RMC1: variants seen among roughly 807,000 people sequenced by gnomAD.
RMC1 encodes regulator of MON1-CCZ1.
In RMC1, 44 loss-of-function variants were observed where a neutral mutation model predicts 95.5. The ratio of observed to expected loss-of-function variants is 0.46; its 90% CI spans 0.36 to 0.59. RMC1 has a LOEUF of 0.59. RMC1 is among the 20% of genes least tolerant of loss of function. The pLI is 0.00. For synonymous variants in RMC1, 320 were observed against 303.6 expected (o/e 1.05, Z -0.56); for missense variants, 705 against 819.6 (o/e 0.86, Z 1.71).
In RMC1 at chr18:23,529,656, A is replaced by G. The variant is rs748736739; in HGVS notation, c.1438A>G (p.Ile480Val). 2 of 1,614,172 alleles carry G rather than the reference A, an allele frequency of 1.2e-6. No individual in the cohort carries two copies. The change falls in exon 16 of 20, where the codon ATA becomes GTA. Residue 480 changes from isoleucine to valine, a missense_variant. Ile to Val is a conservative substitution (Grantham distance 29, BLOSUM62 3). Transcript: ENST00000269221. ...EKKEMPHKFV[I>V]AVLMEYIRSL... Reference sequence around the variant, plus strand: ...CTAGGAGATGCCTCATAAATTTGTGATAGCCGTGCTGATGGAATACATTCG... The same window carrying G: ...CTAGGAGATGCCTCATAAATTTGTGGTAGCCGTGCTGATGGAATACATTCG...
chr18:23,504,584 G>T, intron 2 of RMC1, 137 bp downstream of exon 2: 2 of 702,206 alleles, frequency 2.8e-6, no homozygotes, highest in Non-Finnish European at 4.9e-6. Flanking sequence ...TGGAATTCCT[G>T]TCTGTAGGGA....
chr18:23,506,724 AT>A (rs904620797), intron 2 of RMC1: 9 of 379,100 alleles, frequency 2.4e-5, no homozygotes, highest in Non-Finnish European at 3.4e-5. Flanking sequence ...CTCAGGTGAT[AT>A]GTGTGTGTGA....
At chr18:23,507,880 T>A in intron 3 of RMC1, 105 bp from the exon 4 acceptor site, 1 of 976,782 alleles carries the variant, frequency 1.0e-6, no homozygotes, top group Non-Finnish European at 1.4e-6. Context: ...TTCTGGTCAC[T>A]TTTTAAGTTA....
Position 23,530,468 on chromosome 18 carries a change from G to A in RMC1, c.1750G>A (p.Gly584Ser), listed in dbSNP as rs754165861. Residue 584 changes from glycine to serine, a missense_variant, in exon 19 of 20, where the codon GGC (glycine) becomes AGC (serine). Gly to Ser is a moderately conservative substitution (Grantham distance 56). Transcript: ENST00000269221. ...GTTAGCTGCCTTAAGGTTTATCCGG[G>A]GCATTGGTGGCCATGACAACATTTC... ...QVLAALRFIR[G>S]IGGHDNISAR... is the part of the protein sequence containing the mutation. 1 of 1,614,228 alleles carries A rather than the reference G, an allele frequency of 6.2e-7. No individual in the cohort carries two copies. Among genetic ancestry groups the A allele is most frequent in the Non-Finnish European group, 8.5e-7 (1 of 1,180,052 alleles).
rs753271426 is a variant in RMC1 at position 23,527,945 on chromosome 18, C to G, written c.1296+44C>G. ...GACAAAGGGTCCTCCTCCCCCACCCCCTCCCGGGTATTTTCTAAGTAATTA... is the reference window on the plus strand; with the variant it reads ...GACAAAGGGTCCTCCTCCCCCACCCGCTCCCGGGTATTTTCTAAGTAATTA... On this transcript the variant is annotated intron_variant, in intron 14 of 19. Coordinates refer to ENST00000269221, the MANE Select transcript of RMC1 (RefSeq NM_013326.5). 37 of 1,443,702 alleles carry G rather than the reference C, an allele frequency of 2.6e-5. 1 individual carries two copies. The African/African-American group carries it at 4.4e-4, about 17-fold the overall frequency. 89.4% of individuals were successfully genotyped at this position (1,443,702 alleles called of 1,614,324 possible). A position where few individuals can be genotyped will look rare whatever the true frequency, so the allele number is the denominator to read the frequency against.
intron 7 of RMC1, among the ~76,000 whole-genome samples, chr18:23,518,601 C>G (rs574768361): frequency 1.3e-5 from 2 of 152,320 alleles, no homozygotes; most frequent in East Asian, 3.9e-4. Flanking sequence ...TAGCATATCA[C>G]TCAAGTATAA....
Position 23,519,178 on chromosome 18 carries a change from C to G in RMC1, c.849+4C>G. 1 of 1,611,372 alleles carries G rather than the reference C, an allele frequency of 6.2e-7. No individual in the cohort carries two copies. ...CGTGCATCATCAGGATACAGAGGTA[C>G]AAGCTGTCTGCGTTTCTACCAAAGT... On this transcript the variant is annotated splice_donor_region_variant and intron_variant, in intron 9 of 19. Transcript: ENST00000269221.
intron 2 of RMC1, among the ~76,000 whole-genome samples, chr18:23,505,840 G>T (rs1288630722): frequency 6.6e-6 from 1 of 152,146 alleles, no homozygotes; most frequent in Non-Finnish European, 1.5e-5. Flanking sequence ...TAAGAAGTTT[G>T]TGGGTGGGGG....
At chr18:23,510,254 G>A (rs908683754) in intron 5 of RMC1, among the ~76,000 whole-genome samples, 1 of 151,676 alleles carries the variant, frequency 6.6e-6, no homozygotes, top group Non-Finnish European at 1.5e-5. Context: ...AGCCTGGGAG[G>A]CAGGAGGTTG....
chr18:23,511,147 T>C (rs1268135433), intron 5 of RMC1, among the ~76,000 whole-genome samples: 1 of 152,232 alleles, frequency 6.6e-6, no homozygotes, highest in Non-Finnish European at 1.5e-5. Context: ...TATGCAGCCA[T>C]AAAAATGAAC....
intron 10 of RMC1, among the ~76,000 whole-genome samples, chr18:23,523,479 G>A (rs765931826): frequency 5.4e-5 from 8 of 147,622 alleles, no homozygotes; most frequent in Non-Finnish European, 1.2e-4. Context: ...GGGAGGCTGA[G>A]GTGGGCAGAT....
chr18:23,520,216 C>T lies in RMC1; in HGVS notation c.864C>T (p.Phe288=), dbSNP rs112752406. The T allele has an allele frequency of 4.0e-5, 64 of 1,613,764 alleles. 2 individuals carry two copies. The highest frequency in any genetic ancestry group is 3.9e-4 in the African/African-American group (29 of 74,872). The change falls in exon 10 of 20, where the codon TTC becomes TTT. Residue 288 remains phenylalanine (F), a synonymous_variant. Coordinates refer to ENST00000269221, the MANE Select transcript of RMC1 (RefSeq NM_013326.5). The part of the protein sequence containing the change: ...HHQDTETSVI[F]DIKLRGEFDG... The stretch of plus-strand genomic sequence containing the variant: ...TTCCCCCCCAGACATCGGTAATATT[C>T]GATATCAAGTTACGGGGAGAGTTTG...
At chr18:23,506,313 A>G (rs926273569) in intron 2 of RMC1, 4 of 152,174 alleles carry the variant, frequency 2.6e-5, no homozygotes, top group African/African-American at 4.8e-5. Flanking sequence ...GGCAATGAAC[A>G]TGTTCAGACC....
At chr18:23,529,146 C>G (rs149825361) in intron 14 of RMC1, 33 bp from the exon 15 acceptor site, 41 of 1,599,328 alleles carry the variant, frequency 2.6e-5, no homozygotes, top group Non-Finnish European at 1.7e-6. Flanking sequence ...TCTAAGATGC[C>G]GAAGATCATA....
At chr18:23,510,328 A>C (rs1387077502) in intron 5 of RMC1, among the ~76,000 whole-genome samples, 30 of 151,958 alleles carry the variant, frequency 2.0e-4, no homozygotes, top group Non-Finnish European at 2.9e-5. Flanking sequence ...ATCTCAAAAA[A>C]AAAAACAAAA....
rs1196910905 is a variant in RMC1 at position 23,520,208 on chromosome 18, G to A, written c.856G>A (p.Val286Ile). Reference sequence around the variant, plus strand: ...TTGTCTTTTTCCCCCCCAGACATCGGTAATATTCGATATCAAGTTACGGGG... The same window carrying A: ...TTGTCTTTTTCCCCCCCAGACATCGATAATATTCGATATCAAGTTACGGGG... The part of the protein sequence containing the change: ...VVHHQDTETS[V>I]IFDIKLRGEF... Residue 286 changes from valine (V) to isoleucine (I), a missense_variant, in exon 10 of 20, where the codon GTA becomes ATA. Val to Ile is a conservative substitution (Grantham distance 29, BLOSUM62 3). Coordinates refer to ENST00000269221, the MANE Select transcript of RMC1 (RefSeq NM_013326.5). The A allele has an allele frequency of 6.2e-7, 1 of 1,612,906 alleles. No individual in the cohort carries two copies. The highest frequency in any genetic ancestry group is 8.5e-7 in the Non-Finnish European group (1 of 1,178,914).
chr18:23,504,900 A>C (rs1435666079), intron 2 of RMC1, among the ~76,000 whole-genome samples: 2 of 152,202 alleles, frequency 1.3e-5, no homozygotes, highest in Admixed American at 6.5e-5. Context: ...GAACAGGTTT[A>C]ATGATCAACA....
At chr18:23,527,407 AT>A (rs1311117522) in intron 13 of RMC1, among the ~76,000 whole-genome samples, 4 of 151,424 alleles carry the variant, frequency 2.6e-5, no homozygotes, top group Admixed American at 6.6e-5. Flanking sequence ...CCAAAAAAAA[AT>A]AATAATAATA....
chr18:23,516,262 T>C, intron 6 of RMC1, 58 bp from the exon 7 acceptor site: 1 of 1,560,704 alleles, frequency 6.4e-7, no homozygotes. Context: ...ACACAGGGAA[T>C]GATGAAACAT....
Sources: gnomAD v4.1 joint callset for allele counts (sites outside exome capture counted in the v4.1 genomes callset) on GRCh38, gnomAD v4.1.1 for gene constraint, MANE v1.5 for transcripts, NCBI Gene and HGNC (gene_info 2026-07-23, HGNC 2026-07-21) for gene names.